The following KCNG1 variants were observed in gnomAD, a reference collection of about 807,000 sequenced individuals.
KCNG1 encodes the protein voltage-gated potassium channel regulatory subunit KCNG1.
KCNG1 carries 17 observed loss-of-function variants against 32.4 expected under a neutral mutation model. That is an observed-to-expected ratio of 0.52 (90% confidence interval 0.36 to 0.79). The LOEUF is 0.79. Among genes scored for constraint, KCNG1 ranks in the 30% least tolerant of loss-of-function variants. The pLI is 0.00. For synonymous variants in KCNG1, 358 were observed against 339.9 expected (o/e 1.05, Z -0.59); for missense variants, 441 against 735.2 (o/e 0.60, Z 4.63).
At chr20:51,021,425 C>T (rs1019187602) in intron 1 of KCNG1, among the ~76,000 whole-genome samples, 4 of 152,144 alleles carry the variant, frequency 2.6e-5, no homozygotes, top group Non-Finnish European at 5.9e-5. Context: ...CAGTGCCGAC[C>T]GCAAGGCCCC....
At chr20:51,016,240 C>T (rs1988276070) in intron 1 of KCNG1, among the ~76,000 whole-genome samples, 1 of 152,072 alleles carries the variant, frequency 6.6e-6, no homozygotes, top group Non-Finnish European at 1.5e-5. Context: ...AGTTTGAGTC[C>T]AGCCTGGCCA....
rs760461925 is a variant in KCNG1 at position 51,005,109 on chromosome 20, T to A, written c.775-303A>T. 2 of 302,938 alleles carry A rather than the reference T, an allele frequency of 6.6e-6. No individual in the cohort carries two copies. The highest frequency in any genetic ancestry group is 1.2e-5 in the Non-Finnish European group (2 of 165,664). 18.8% of individuals were successfully genotyped at this position (302,938 alleles called of 1,614,324 possible). On this transcript the variant is annotated intron_variant, in intron 2 of 2. Transcript: ENST00000371571. The surrounding 1 kb of genome is among the most constrained non-coding windows in gnomAD (Gnocchi z 4.0). ...TCTGAGGGGCATCTCGAACTCACCA[T>A]GGGATCCTGGTTTCCTCTGCCCACT...
intron 1 of KCNG1, among the ~76,000 whole-genome samples, chr20:51,020,748 C>T (rs921850136): frequency 5.9e-5 from 9 of 152,116 alleles, no homozygotes; most frequent in African/African-American, 2.2e-4. Context: ...GACAGCCGAG[C>T]CAAGGTACCT....
chr20:51,003,886 T>A lies in KCNG1; in HGVS notation c.*153A>T. On this transcript the variant is annotated 3_prime_UTR_variant, in exon 3 of 3. Transcript: ENST00000371571. Reference sequence around the variant, plus strand: ...TGATGTTCTAGTGTTCTTCCCGGGGTGTGGGAGTGAGGGTGTCCTTCCCCG... The same window carrying A: ...TGATGTTCTAGTGTTCTTCCCGGGGAGTGGGAGTGAGGGTGTCCTTCCCCG... The A allele has an allele frequency of 1.4e-6, 1 of 735,666 alleles. No homozygotes were observed. The highest frequency in any genetic ancestry group is 2.2e-6 in the Non-Finnish European group (1 of 459,752). The allele number at this position is 735,666 out of a possible 1,614,324, so 45.6% of individuals were successfully genotyped here.
chr20:51,010,902 AAAAAC>A (rs1019928159), intron 1 of KCNG1, among the ~76,000 whole-genome samples: 7 of 147,662 alleles, frequency 4.7e-5, no homozygotes, highest in Non-Finnish European at 7.4e-5. Flanking sequence ...CTCAAAAAAT[AAAAAC>A]AAAACAAAAC....
intron 1 of KCNG1, among the ~76,000 whole-genome samples, chr20:51,010,914 AAACAAAACAAAAC>A (rs1988064770): frequency 3.6e-5 from 1 of 28,018 alleles, no homozygotes; most frequent in Non-Finnish European, 6.8e-5. Context: ...AAACAAAACA[AAACAAAACAAAAC>A]AAAAAAAAAA....
chr20:51,012,769 C>G (rs1163302193), intron 1 of KCNG1, among the ~76,000 whole-genome samples: 1 of 152,220 alleles, frequency 6.6e-6, no homozygotes, highest in Non-Finnish European at 1.5e-5. Context: ...TCTGGCAACA[C>G]TTGGCCCAAA....
chr20:51,019,515 AT>A (rs752788079), intron 1 of KCNG1, among the ~76,000 whole-genome samples: 83 of 150,938 alleles, frequency 5.5e-4, no homozygotes, highest in African/African-American at 6.6e-4. Context: ...GTCTTCAAAA[AT>A]AATAATAATA....
intron 1 of KCNG1, 94 bp from the exon 2 acceptor site, chr20:51,010,458 G>T: frequency 1.1e-6 from 1 of 880,252 alleles, no homozygotes; most frequent in Non-Finnish European, 1.7e-6. Context: ...GTTAGGGATG[G>T]AATCTTTGTC....
At chr20:51,007,615 A>G (rs1987884607) in intron 2 of KCNG1, among the ~76,000 whole-genome samples, 1 of 152,192 alleles carries the variant, frequency 6.6e-6, no homozygotes, top group African/African-American at 2.4e-5. Context: ...CCACATACAT[A>G]AGTGGAAAGA....
rs1292471757 is a variant in KCNG1, at chr20:51,023,068, C to T, written c.-225G>A. Reference sequence around the variant, plus strand: ...GCTCCCGCCCTCGGAGCCACGGCCGCCCCGTCTCTGCCTCCCGGTCCCCGC... The same window carrying T: ...GCTCCCGCCCTCGGAGCCACGGCCGTCCCGTCTCTGCCTCCCGGTCCCCGC... On this transcript the variant is annotated 5_prime_UTR_variant, in exon 1 of 3. Coordinates refer to ENST00000371571, the MANE Select transcript of KCNG1 (RefSeq NM_002237.4). 6.6e-6 allele frequency: 1 copy of T among 152,164 alleles called. No individual in the cohort carries two copies. Among genetic ancestry groups the T allele is most frequent in the Non-Finnish European group, 1.5e-5 (1 of 68,024 alleles). The allele number at this position is 152,164 out of a possible 1,614,324, so 9.4% of individuals were successfully genotyped here.
intron 1 of KCNG1, among the ~76,000 whole-genome samples, chr20:51,016,296 G>C (rs908712319): frequency 6.6e-6 from 1 of 152,142 alleles, no homozygotes; most frequent in Non-Finnish European, 1.5e-5. Context: ...ATTAAGCTGG[G>C]CATGGTGGCA....
Position 51,004,402 on chromosome 20 carries a change from G to A in KCNG1, c.1179C>T (p.Pro393=). 1 of 1,612,670 alleles carries A rather than the reference G, an allele frequency of 6.2e-7. No individual in the cohort carries two copies. Among genetic ancestry groups the A allele is most frequent in the Non-Finnish European group, 8.5e-7 (1 of 1,178,822 alleles). ...TCTCGTTCTCGATGACGTAGAGCAG[G>A]GGCGCGAAGAGGGCGATGGCCACGC... ...FLCVAIALFA[P]LLYVIENEMA... The change falls in exon 3 of 3, where the codon CCC becomes CCT. Residue 393 remains proline, a synonymous_variant. Coordinates refer to ENST00000371571, the MANE Select transcript of KCNG1 (RefSeq NM_002237.4). This position sits in a 1 kb window ranked among gnomAD's most constrained non-coding sequence, Gnocchi z 4.3.
intron 1 of KCNG1, chr20:51,013,910 G>A (rs1026268575): frequency 2.0e-5 from 3 of 152,178 alleles, no homozygotes; most frequent in African/African-American, 4.8e-5. Flanking sequence ...GGAGGTAAAC[G>A]GAAAATGCCT....
At chr20:51,021,611 C>T (rs1468996350) in intron 1 of KCNG1, among the ~76,000 whole-genome samples, 2 of 152,174 alleles carry the variant, frequency 1.3e-5, no homozygotes, top group East Asian at 3.9e-4. Flanking sequence ...CCTGCTCCCT[C>T]CTCTTACTTC....
At chr20:51,006,604 C>G (rs1987837443) in intron 2 of KCNG1, 1 of 152,384 alleles carries the variant, frequency 6.6e-6, no homozygotes. Flanking sequence ...GCAATCTCGG[C>G]TCACTGCAAC....
chr20:51,011,906 C>T (rs905970448), intron 1 of KCNG1, among the ~76,000 whole-genome samples: 2 of 152,250 alleles, frequency 1.3e-5, no homozygotes, highest in African/African-American at 2.4e-5. Context: ...AAGCAATTCT[C>T]GTGCCTCAGC....
intron 2 of KCNG1, chr20:51,007,188 AT>A (rs1367104084): frequency 4.6e-3 from 666 of 144,788 alleles, no homozygotes; most frequent in African/African-American, 5.9e-3. Context: ...CCATCTCTAA[AT>A]TTTTTTTTTT....
chr20:51,016,208 G>A (rs1021225484), intron 1 of KCNG1, among the ~76,000 whole-genome samples: 3 of 152,122 alleles, frequency 2.0e-5, no homozygotes, highest in Admixed American at 6.5e-5. Flanking sequence ...AGGCCAAGGC[G>A]GGTGGATCAC....
Sources: gnomAD v4.1 joint callset for allele counts (sites outside exome capture counted in the v4.1 genomes callset) on GRCh38, gnomAD v4.1.1 for gene constraint, Gnocchi (gnomAD v3.1) non-coding constraint, MANE v1.5 for transcripts, NCBI Gene and HGNC (gene_info 2026-07-23, HGNC 2026-07-21) for gene names.